The following LRRC8A variants were observed in gnomAD, a reference collection of about 807,000 sequenced individuals.
LRRC8A encodes leucine rich repeat containing 8 VRAC subunit A, also known as volume-regulated anion channel subunit LRRC8A.
A neutral mutation model predicts 52.5 loss-of-function variants in LRRC8A; 24 were observed. That is an observed-to-expected ratio of 0.46 (90% confidence interval 0.33 to 0.64). The LOEUF (loss-of-function observed/expected upper bound fraction) is 0.64, where lower values mean the gene tolerates loss of function less well. Ranked by LOEUF, LRRC8A falls within the 30% of genes least tolerant of loss-of-function variation. LRRC8A has a pLI of 0.02. For synonymous variants in LRRC8A, 492 were observed against 494.2 expected, an observed-to-expected ratio of 1.00 and a Z score of 0.06; for missense variants, 677 against 1,094.7, an observed-to-expected ratio of 0.62 and a Z score of 5.38.
chr9:128,889,475 G>GT (rs557733910), intron 2 of LRRC8A, among the ~76,000 whole-genome samples: 6,970 of 143,460 alleles, frequency 0.049, 187 homozygotes, highest in Middle Eastern at 0.083. Flanking sequence ...GACTGGACAG[G>GT]TTTTTTTTTT....
In LRRC8A at chr9:128,902,145, C is replaced by G. The variant is rs1373454632; in HGVS notation, c.-8-5012C>G. Reference sequence around the variant, plus strand: ...TGGAACCCCAGGGCCCTCCTCCACTCCCCAGACACACTCAAACTGGAGAGA... The same window carrying G: ...TGGAACCCCAGGGCCCTCCTCCACTGCCCAGACACACTCAAACTGGAGAGA... On this transcript the variant is annotated intron_variant, in intron 2 of 3. Transcript: ENST00000372600. This position sits in a 1 kb window ranked among gnomAD's most constrained non-coding sequence, Gnocchi z 4.1. Among the ~76,000 whole-genome samples, 1 of 152,208 alleles carries G rather than the reference C, an allele frequency of 6.6e-6. No homozygotes were observed. The highest frequency in any genetic ancestry group is 1.9e-4 in the East Asian group (1 of 5,190).
Position 128,908,671 on chromosome 9 carries a change from A to T in LRRC8A, c.1507A>T (p.Thr503Ser). 6.2e-7 allele frequency: 1 copy of T among 1,612,872 alleles called. No homozygotes were observed. The highest frequency in any genetic ancestry group is 2.2e-5 in the East Asian group (1 of 44,868). ...CCTGCGGGCGCTGCACATCAAGTTC[A>T]CCGACATCAAGGAGATCCCGCTGTG... ...ENLRALHIKF[T>S]DIKEIPLWIY... The change falls in exon 3 of 4, where the codon ACC (threonine) becomes TCC (serine). Residue 503 changes from threonine to serine, a missense_variant. Physicochemically the swap from Thr to Ser is moderately conservative, Grantham distance 58. Transcript: ENST00000372600.
At position 128,902,031 on chromosome 9, in the gene LRRC8A, G is replaced by A. The variant is rs1251224116; in HGVS notation, c.-8-5126G>A. Among the ~76,000 whole-genome samples, 1 of 152,174 alleles carries A rather than the reference G, an allele frequency of 6.6e-6. No individual in the cohort carries two copies. Among genetic ancestry groups the A allele is most frequent in the Non-Finnish European group, 1.5e-5 (1 of 68,020 alleles). On this transcript the variant is annotated intron_variant, in intron 2 of 3. Transcript: ENST00000372600. This position sits in a 1 kb window ranked among gnomAD's most constrained non-coding sequence, Gnocchi z 4.1. ...CTCCAGACAGGTTACCCTTACCAGG[G>A]GTAGGCCCAGGCACCAGCCGGGCCA...
chr9:128,884,819 G>A (rs1839325130), intron 1 of LRRC8A, among the ~76,000 whole-genome samples: 1 of 152,098 alleles, frequency 6.6e-6, no homozygotes, highest in African/African-American at 2.4e-5. Flanking sequence ...ATAGCTGTAG[G>A]TACTTTACTG....
chr9:128,900,677 G>C (rs529890096), intron 2 of LRRC8A, among the ~76,000 whole-genome samples: 2 of 152,232 alleles, frequency 1.3e-5, no homozygotes, highest in African/African-American at 4.8e-5. Flanking sequence ...CACTGCTCCA[G>C]CCTGAGTGAC....
chr9:128,910,523 T>G (rs1181268253), intron 3 of LRRC8A, among the ~76,000 whole-genome samples: 1 of 152,098 alleles, frequency 6.6e-6, no homozygotes, highest in East Asian at 1.9e-4. Flanking sequence ...GGAAACCCCA[T>G]CTCTACCAAA....
chr9:128,905,705 A>C (rs1012069217), intron 2 of LRRC8A, among the ~76,000 whole-genome samples: 1 of 152,062 alleles, frequency 6.6e-6, no homozygotes, highest in Non-Finnish European at 1.5e-5. Context: ...TTACCTGGGC[A>C]TGGTGGTGCA....
chr9:128,902,701 T>C lies in LRRC8A; in HGVS notation c.-8-4456T>C, dbSNP rs545936913. Among the ~76,000 whole-genome samples, 5 of 152,280 alleles carry C rather than the reference T, an allele frequency of 3.3e-5. No individual in the cohort carries two copies. In the East Asian group the frequency reaches 9.7e-4, roughly 29 times the overall value. ...GACTCCAGGTGTCCACATGTCTCAG[T>C]GGAGGCAGCTGTGTGATTCAGAAGC... On this transcript the variant is annotated intron_variant, in intron 2 of 3. Coordinates refer to ENST00000372600, the MANE Select transcript of LRRC8A (RefSeq NM_019594.4). This position sits in a 1 kb window ranked among gnomAD's most constrained non-coding sequence, Gnocchi z 4.1.
chr9:128,908,825 A>C lies in LRRC8A; in HGVS notation c.1661A>C (p.Asn554Thr), dbSNP rs867670600. The C allele has an allele frequency of 6.2e-7, 1 of 1,613,656 alleles. No individual in the cohort carries two copies. Among genetic ancestry groups the C allele is most frequent in the Non-Finnish European group, 8.5e-7 (1 of 1,180,032 alleles). ...KRLKVLRLKS[N>T]LSKLPQVVTD... Reference sequence around the variant, plus strand: ...CTCAAGGTGCTGCGGCTCAAGAGCAACCTAAGCAAGCTGCCACAGGTGGTC... The same window carrying C: ...CTCAAGGTGCTGCGGCTCAAGAGCACCCTAAGCAAGCTGCCACAGGTGGTC... The change falls in exon 3 of 4, where the codon AAC (asparagine) becomes ACC (threonine). Residue 554 changes from asparagine (N) to threonine (T), a missense_variant. Physicochemically the swap from Asn to Thr is moderately conservative, Grantham distance 65 (BLOSUM62 0). Coordinates refer to ENST00000372600, the MANE Select transcript of LRRC8A (RefSeq NM_019594.4).
intron 2 of LRRC8A, among the ~76,000 whole-genome samples, chr9:128,887,938 G>A (rs973210612): frequency 2.0e-5 from 3 of 152,124 alleles, no homozygotes; most frequent in African/African-American, 7.2e-5. Flanking sequence ...CACCGCGCCC[G>A]GCTCCCCTGG....
chr9:128,916,166 T>C lies in LRRC8A; in HGVS notation c.2228T>C (p.Leu743Pro). ...LRALHLGNNVLQSLPSRVGEL... is the reference protein window; with the variant it reads ...LRALHLGNNVPQSLPSRVGEL... ...GCCCTGCACCTGGGCAACAACGTGC[T>C]GCAGTCACTGCCCTCCAGGGTGGGC... Residue 743 changes from leucine to proline, a missense_variant, in exon 4 of 4, where the codon CTG becomes CCG. Around this residue, in one of 4 missense-constraint regions of LRRC8A, gnomAD observed 169 missense variants for 217.6 expected, o/e 0.78. Coordinates refer to ENST00000372600, the MANE Select transcript of LRRC8A (RefSeq NM_019594.4). This position sits in a 1 kb window ranked among gnomAD's most constrained non-coding sequence, Gnocchi z 6.1. 1 of 1,613,438 alleles carries C rather than the reference T, an allele frequency of 6.2e-7. No homozygotes were observed. The highest frequency in any genetic ancestry group is 8.5e-7 in the Non-Finnish European group (1 of 1,179,978).
chr9:128,891,602 C>A (rs1275290048), intron 2 of LRRC8A, among the ~76,000 whole-genome samples: 1 of 152,200 alleles, frequency 6.6e-6, no homozygotes, highest in Non-Finnish European at 1.5e-5. Flanking sequence ...CTTCTGCCCC[C>A]AGGGCCCAGA....
At position 128,908,838 on chromosome 9, in the gene LRRC8A, G is replaced by T; in HGVS notation, c.1674G>T (p.Leu558=). The change falls in exon 3 of 4, where the codon CTG becomes CTT. Residue 558 remains leucine, a synonymous_variant. Coordinates refer to ENST00000372600, the MANE Select transcript of LRRC8A (RefSeq NM_019594.4). ...GGCTCAAGAGCAACCTAAGCAAGCT[G>T]CCACAGGTGGTCACAGATGTGGGCG... is the stretch of plus-strand genomic sequence containing the variant. ...VLRLKSNLSK[L]PQVVTDVGVH... The T allele has an allele frequency of 6.2e-7, 1 of 1,613,730 alleles. No individual in the cohort carries two copies. Among genetic ancestry groups the T allele is most frequent in the African/African-American group, 1.3e-5 (1 of 75,036 alleles).
intron 2 of LRRC8A, among the ~76,000 whole-genome samples, chr9:128,904,266 C>G (rs1465796144): frequency 6.6e-6 from 1 of 152,162 alleles, no homozygotes; most frequent in Middle Eastern, 3.2e-3. Context: ...CACCTATAAT[C>G]CCAGCACTGT....
At chr9:128,913,873 G>C (rs892166225) in intron 3 of LRRC8A, among the ~76,000 whole-genome samples, 3 of 152,208 alleles carry the variant, frequency 2.0e-5, no homozygotes, top group African/African-American at 7.2e-5. Context: ...AGTGGTGGCA[G>C]TGTAGGATAC....
intron 2 of LRRC8A, among the ~76,000 whole-genome samples, chr9:128,897,110 A>G (rs1410744058): frequency 1.3e-5 from 2 of 152,108 alleles, no homozygotes; most frequent in African/African-American, 4.8e-5. Flanking sequence ...GTTTATTATT[A>G]TGTCTTTCGA....
Position 128,909,138 on chromosome 9 carries a change from C to T in LRRC8A, c.1974C>T (p.Ile658=), listed in dbSNP as rs541024052. ...YNHIAYIPIQ[I]GNLTNLERLY... is the part of the protein sequence containing the mutation. ...ACATCGCCTACATCCCCATCCAGAT[C>T]GGCAACCTCACCAACCTGGAGCGCC... Residue 658 remains isoleucine (I), a synonymous_variant, in exon 3 of 4, where the codon ATC becomes ATT. Transcript: ENST00000372600. The T allele has an allele frequency of 4.5e-5, 72 of 1,614,134 alleles. No individual in the cohort carries two copies. The East Asian group carries it at 9.6e-4, about 21-fold the overall frequency.
Position 128,902,139 on chromosome 9 carries a change from T to G in LRRC8A, c.-8-5018T>G, listed in dbSNP as rs1032831318. 5.9e-5 allele frequency among the ~76,000 whole-genome samples: 9 copies of G among 152,054 alleles called. No homozygotes were observed. Among genetic ancestry groups the G allele is most frequent in the African/African-American group, 2.2e-4 (9 of 41,394 alleles). On this transcript the variant is annotated intron_variant, in intron 2 of 3. Coordinates refer to ENST00000372600, the MANE Select transcript of LRRC8A (RefSeq NM_019594.4). This position sits in a 1 kb window ranked among gnomAD's most constrained non-coding sequence, Gnocchi z 4.1. ...TGCCATTGGAACCCCAGGGCCCTCC[T>G]CCACTCCCCAGACACACTCAAACTG...
At chr9:128,888,020 T>G (rs939339107) in intron 2 of LRRC8A, among the ~76,000 whole-genome samples, 1 of 152,100 alleles carries the variant, frequency 6.6e-6, no homozygotes, top group East Asian at 1.9e-4. Context: ...TGAGCCCCCC[T>G]GGCCCCTCCC....
Sources: gnomAD v4.1 joint callset for allele counts (sites outside exome capture counted in the v4.1 genomes callset) on GRCh38, gnomAD v4.1.1 for gene constraint, gnomAD v4.1.1 regional missense constraint, Gnocchi (gnomAD v3.1) non-coding constraint, MANE v1.5 for transcripts, NCBI Gene and HGNC (gene_info 2026-07-23, HGNC 2026-07-21) for gene names.